PRKN: variants seen among roughly 807,000 people sequenced by gnomAD.
PRKN encodes the protein E3 ubiquitin-protein ligase parkin.
In PRKN, 56 loss-of-function variants were observed where a neutral mutation model predicts 59.5. The observed-to-expected ratio is 0.94, with a 90% CI of 0.76 to 1.18. The LOEUF is 1.18. PRKN is among the 50% of genes most tolerant of loss of function. The pLI, the probability that PRKN is intolerant of heterozygous loss-of-function variation, is 0.00. For synonymous variants in PRKN, 250 were observed against 222.1 expected, an observed-to-expected ratio of 1.13 and a Z score of -1.12; for missense variants, 657 against 596.4, an observed-to-expected ratio of 1.10 and a Z score of -1.06.
rs1786447634 is a variant in PRKN, at chr6:161,390,259, T to C, written c.1084-3382A>G. 6.6e-6 allele frequency among the ~76,000 whole-genome samples: 1 copy of C among 152,216 alleles called. No individual in the cohort carries two copies. The highest frequency in any genetic ancestry group is 1.5e-5 in the Non-Finnish European group (1 of 68,042). ...TACGCACCAGAGTGCCCTGCGGTAC[T>C]GTAACAAACTCACAGGGGTGCCTGG... On this transcript the variant is annotated intron_variant, in intron 9 of 11. Transcript: ENST00000366898. The surrounding 1 kb of genome is among the most constrained non-coding windows in gnomAD (Gnocchi z 7.0).
At chr6:161,907,336 C>T (rs1316042037) in intron 6 of PRKN, among the ~76,000 whole-genome samples, 6 of 152,110 alleles carry the variant, frequency 3.9e-5, no homozygotes, top group South Asian at 4.2e-4. Context: ...AAAAAAAGCT[C>T]GAAAAGAATG....
At chr6:161,886,759 AAT>A (rs1252747543) in intron 6 of PRKN, among the ~76,000 whole-genome samples, 1 of 150,060 alleles carries the variant, frequency 6.7e-6, no homozygotes, top group African/African-American at 2.4e-5. Context: ...AATAAAAAAA[AAT>A]AAAATAAAAT....
At chr6:162,304,084 G>GA (rs59752780) in intron 2 of PRKN, among the ~76,000 whole-genome samples, 136,136 of 147,436 alleles carry the variant, frequency 0.92, 64,091 homozygotes, top group East Asian at 1. Flanking sequence ...TGTGAAGGGA[G>GA]AAAAAAAAAG....
chr6:162,576,810 CAAA>C (rs573857313), intron 1 of PRKN, among the ~76,000 whole-genome samples: 48 of 92,384 alleles, frequency 5.2e-4, no homozygotes, highest in African/African-American at 1.7e-3. Context: ...GAGACTCCGT[CAAA>C]AAAAAAAAAA....
intron 7 of PRKN, among the ~76,000 whole-genome samples, chr6:161,768,786 C>T (rs1789537950): frequency 6.6e-6 from 1 of 152,154 alleles, no homozygotes; most frequent in African/African-American, 2.4e-5. Flanking sequence ...TACTCATCTG[C>T]AGCCTATTCA....
intron 2 of PRKN, among the ~76,000 whole-genome samples, chr6:162,419,049 G>GC (rs1788814751): frequency 6.6e-6 from 1 of 151,776 alleles, no homozygotes; most frequent in African/African-American, 2.4e-5. Flanking sequence ...TAGGCTCCAG[G>GC]AAAAGCAGGT....
At chr6:162,726,649 T>C (rs1230565816) in intron 1 of PRKN, among the ~76,000 whole-genome samples, 1 of 152,174 alleles carries the variant, frequency 6.6e-6, no homozygotes, top group Non-Finnish European at 1.5e-5. Context: ...AAAGATCATA[T>C]ACTTTATAAA....
intron 1 of PRKN, among the ~76,000 whole-genome samples, chr6:162,547,280 CTA>C (rs1317198574): frequency 2.0e-5 from 3 of 152,198 alleles, no homozygotes; most frequent in African/African-American, 7.2e-5. Flanking sequence ...CGTTTATCAT[CTA>C]TATGTCACAT....
intron 4 of PRKN, among the ~76,000 whole-genome samples, chr6:162,158,418 T>G (rs56179543): frequency 6.0e-4 from 16 of 26,474 alleles, no homozygotes; most frequent in Non-Finnish European, 1.6e-3. Flanking sequence ...TTGTTTGCGT[T>G]TTTTTTTTTT....
intron 4 of PRKN, among the ~76,000 whole-genome samples, chr6:162,089,414 A>G (rs1358400615): frequency 6.6e-6 from 1 of 152,234 alleles, no homozygotes. Context: ...GGGTGCTGTC[A>G]AGAACATAGG....
intron 4 of PRKN, among the ~76,000 whole-genome samples, chr6:162,110,694 A>T (rs1301657760): frequency 6.6e-6 from 1 of 152,180 alleles, no homozygotes; most frequent in Admixed American, 6.6e-5. Context: ...GGCAACCTTG[A>T]AACAGGGGCG....
At chr6:161,431,792 T>C (rs1193081141) in intron 9 of PRKN, among the ~76,000 whole-genome samples, 1 of 152,110 alleles carries the variant, frequency 6.6e-6, no homozygotes, top group African/African-American at 2.4e-5. Context: ...TTTGTATTTT[T>C]AGTAGAGACA....
intron 7 of PRKN, among the ~76,000 whole-genome samples, chr6:161,674,898 G>A (rs1438939270): frequency 6.6e-6 from 1 of 152,224 alleles, no homozygotes; most frequent in Admixed American, 6.5e-5. Flanking sequence ...AGGGTAGGAA[G>A]GAGGCAGCGC....
intron 3 of PRKN, among the ~76,000 whole-genome samples, chr6:162,217,798 T>C (rs778228254): frequency 6.6e-6 from 1 of 152,170 alleles, no homozygotes; most frequent in African/African-American, 2.4e-5. Context: ...AACACTATCA[T>C]GGTATTGTTA....
intron 3 of PRKN, among the ~76,000 whole-genome samples, chr6:162,216,709 G>A (rs891302082): frequency 3.3e-5 from 5 of 152,018 alleles, no homozygotes; most frequent in African/African-American, 7.3e-5. Context: ...AAAGCCACAC[G>A]GCCACACAGC....
chr6:162,603,487 G>C (rs1047361427), intron 1 of PRKN, among the ~76,000 whole-genome samples: 1 of 152,106 alleles, frequency 6.6e-6, no homozygotes, highest in African/African-American at 2.4e-5. Flanking sequence ...CTTTGCATGA[G>C]AGCATCTGAC....
chr6:161,559,403 G>A (rs546841665), intron 8 of PRKN, among the ~76,000 whole-genome samples: 3 of 152,166 alleles, frequency 2.0e-5, no homozygotes, highest in South Asian at 4.1e-4. Context: ...CTGATGGAGC[G>A]CACTGCAGAA....
chr6:162,386,815 A>T (rs1250228382), intron 2 of PRKN, among the ~76,000 whole-genome samples: 1 of 152,258 alleles, frequency 6.6e-6, no homozygotes, highest in Non-Finnish European at 1.5e-5. Flanking sequence ...ATATGATTTT[A>T]TAGTTTCAAA....
At chr6:161,745,517 G>C (rs1788377802) in intron 7 of PRKN, among the ~76,000 whole-genome samples, 2 of 152,160 alleles carry the variant, frequency 1.3e-5, no homozygotes, top group African/African-American at 4.8e-5. Flanking sequence ...TGCGACCAGG[G>C]GCACCAAGCA....
Sources: allele counts gnomAD v4.1 joint callset (sites outside exome capture counted in the v4.1 genomes callset), GRCh38; gene constraint gnomAD v4.1.1; non-coding constraint Gnocchi (gnomAD v3.1); transcripts MANE v1.5; gene names NCBI Gene and HGNC (gene_info 2026-07-23, HGNC 2026-07-21).